The following ACER3 variants were observed in gnomAD, a reference collection of about 807,000 sequenced individuals.
ACER3 encodes alkCDase 3.
A neutral mutation model predicts 48.9 loss-of-function variants in ACER3; 16 were observed. The observed-to-expected ratio is 0.33, with a 90% CI of 0.22 to 0.50. The LOEUF (loss-of-function observed/expected upper bound fraction) is 0.50. Ranked by LOEUF, ACER3 falls within the 20% of genes least tolerant of loss-of-function variation. The pLI is 0.98. For missense variants in ACER3, 227 were observed against 326.0 expected (o/e 0.70, Z 2.34); for synonymous variants, 109 against 107.8 (o/e 1.01, Z -0.07).
intron 7 of ACER3, chr11:77,011,335 T>C: frequency 1.0e-6 from 1 of 985,372 alleles, no homozygotes; most frequent in Non-Finnish European, 1.2e-6. Context: ...CACAGAAGAG[T>C]ATTGCTTTGA....
intron 1 of ACER3, among the ~76,000 whole-genome samples, chr11:76,914,917 A>ATTCC (rs1274154271): frequency 2.0e-5 from 3 of 152,192 alleles, no homozygotes; most frequent in Admixed American, 1.3e-4. Flanking sequence ...TGAAGCTGGA[A>ATTCC]ACCATCATTC....
chr11:76,964,959 A>T (rs1050938057), intron 3 of ACER3, among the ~76,000 whole-genome samples: 10 of 151,390 alleles, frequency 6.6e-5, no homozygotes, highest in Non-Finnish European at 1.5e-4. Context: ...AGCTGGACGG[A>T]GAATGACTTT....
chr11:77,014,956 T>A, intron 7 of ACER3, 60 bp from the exon 8 acceptor site: 1 of 1,030,418 alleles, frequency 9.7e-7, no homozygotes, highest in African/African-American at 1.6e-5. Flanking sequence ...TGGCTTCAAT[T>A]TCTGATCGTG....
chr11:76,904,021 C>G (rs1244778609), intron 1 of ACER3, among the ~76,000 whole-genome samples: 1 of 152,148 alleles, frequency 6.6e-6, no homozygotes, highest in East Asian at 1.9e-4. Context: ...AAGTCTCGCT[C>G]TGTCACCCAG....
intron 3 of ACER3, among the ~76,000 whole-genome samples, chr11:76,964,900 C>T (rs188699207): frequency 1.2e-3 from 183 of 151,294 alleles, no homozygotes; most frequent in Admixed American, 2.8e-3. Context: ...AAAATCAGAG[C>T]GCCTGTCCTC....
intron 1 of ACER3, among the ~76,000 whole-genome samples, chr11:76,918,372 G>A (rs1398285909): frequency 6.6e-6 from 1 of 151,514 alleles, no homozygotes; most frequent in Non-Finnish European, 1.5e-5. Context: ...TTTAAGCTTA[G>A]CGTGAACCAG....
chr11:76,908,922 T>C (rs1024555773), intron 1 of ACER3, among the ~76,000 whole-genome samples: 3 of 151,854 alleles, frequency 2.0e-5, no homozygotes, highest in Non-Finnish European at 4.4e-5. Flanking sequence ...CCAAAACAGA[T>C]ATATAGACCA....
intron 1 of ACER3, among the ~76,000 whole-genome samples, chr11:76,891,204 T>C (rs934335137): frequency 2.7e-5 from 4 of 150,838 alleles, no homozygotes; most frequent in Non-Finnish European, 5.9e-5. Context: ...ATGAATTTTA[T>C]AGAGGTTCAG....
At chr11:76,922,860 A>G (rs1459927256) in intron 1 of ACER3, among the ~76,000 whole-genome samples, 1 of 152,180 alleles carries the variant, frequency 6.6e-6, no homozygotes, top group East Asian at 1.9e-4. Flanking sequence ...TAGCACATGT[A>G]AAATATAAAG....
chr11:76,903,882 A>G (rs1247013972), intron 1 of ACER3, among the ~76,000 whole-genome samples: 2 of 152,186 alleles, frequency 1.3e-5, no homozygotes, highest in African/African-American at 4.8e-5. Context: ...TTAAGGTCTG[A>G]TAGGAGACAT....
intron 2 of ACER3, among the ~76,000 whole-genome samples, chr11:76,950,838 A>G (rs1947646178): frequency 6.6e-6 from 1 of 152,142 alleles, no homozygotes; most frequent in Non-Finnish European, 1.5e-5. Flanking sequence ...TGTTATAACC[A>G]CAGAAAGTAT....
intron 3 of ACER3, among the ~76,000 whole-genome samples, chr11:76,960,576 A>G (rs1001562228): frequency 6.6e-6 from 1 of 152,150 alleles, no homozygotes; most frequent in East Asian, 1.9e-4. Flanking sequence ...GCTTATTTCA[A>G]GTGCTCAGTA....
Position 77,020,321 on chromosome 11 carries a change from GCATTGATGAAT to G in ACER3, c.803_*9del. 6.2e-7 allele frequency: 1 copy of G among 1,613,520 alleles called. No homozygotes were observed. Among genetic ancestry groups the G allele is most frequent in the Non-Finnish European group, 8.5e-7 (1 of 1,179,886 alleles). On this transcript the variant is annotated stop_lost and 3_prime_UTR_variant, in exon 11 of 11. Coordinates refer to ENST00000532485, the MANE Select transcript of ACER3 (RefSeq NM_018367.7). ...TGATCCTGTTTGAGCCTCTCAGGAA[GCATTGATGAAT>G]CATTCCACCAAGAAAACAAACAAGC...
At chr11:76,870,319 A>G (rs979552777) in intron 1 of ACER3, among the ~76,000 whole-genome samples, 2 of 151,336 alleles carry the variant, frequency 1.3e-5, no homozygotes, top group Non-Finnish European at 1.5e-5. Context: ...ATTTTTGTAG[A>G]GATGAGGTCT....
chr11:76,961,593 T>C (rs1041709326), intron 3 of ACER3, among the ~76,000 whole-genome samples: 2 of 150,884 alleles, frequency 1.3e-5, no homozygotes, highest in South Asian at 4.2e-4. Context: ...CATCTTTTTA[T>C]GCCAGAAAAA....
At chr11:76,924,491 A>G (rs1946765294) in intron 1 of ACER3, among the ~76,000 whole-genome samples, 1 of 151,832 alleles carries the variant, frequency 6.6e-6, no homozygotes, top group South Asian at 2.1e-4. Context: ...AGTGTTAGCC[A>G]CTGCCCCTGG....
At chr11:77,017,006 C>A (rs1445484925) in intron 9 of ACER3, among the ~76,000 whole-genome samples, 1 of 152,014 alleles carries the variant, frequency 6.6e-6, no homozygotes, top group Non-Finnish European at 1.5e-5. Context: ...TTATGACATG[C>A]AGCAAAAGCA....
chr11:76,934,311 C>T (rs1325757587), intron 2 of ACER3, among the ~76,000 whole-genome samples: 17 of 152,204 alleles, frequency 1.1e-4, no homozygotes, highest in African/African-American at 3.4e-4. Context: ...GCTGCAATCT[C>T]GGCACTTTGG....
intron 1 of ACER3, among the ~76,000 whole-genome samples, chr11:76,898,271 C>T (rs185274550): frequency 2.4e-4 from 36 of 152,278 alleles, no homozygotes; most frequent in Admixed American, 1.3e-3. Flanking sequence ...CATCAACCAC[C>T]GTTTGAGAAC....
Sources: allele counts gnomAD v4.1 joint callset (sites outside exome capture counted in the v4.1 genomes callset), GRCh38; gene constraint gnomAD v4.1.1; transcripts MANE v1.5; gene names NCBI Gene and HGNC (gene_info 2026-07-23, HGNC 2026-07-21).